Variants in UGT2B7 observed in about 807,000 individuals in gnomAD.
UGT2B7 encodes UDP-glucuronosyltransferase 2B7.
UGT2B7 carries 51 observed loss-of-function variants against 51.9 expected under a neutral mutation model. The ratio of observed to expected loss-of-function variants is 0.98; its 90% CI spans 0.78 to 1.24. UGT2B7 has a LOEUF of 1.24. Ranked by LOEUF, UGT2B7 falls within the 50% of genes most tolerant of loss-of-function variation. UGT2B7 has a pLI of 0.00. For synonymous variants in UGT2B7, 225 were observed against 211.6 expected (o/e 1.06, Z -0.55); for missense variants, 727 against 628.4 (o/e 1.16, Z -1.68).
intron 1 of UGT2B7, among the ~76,000 whole-genome samples, chr4:69,075,247 G>T (rs1298453104): frequency 6.6e-6 from 1 of 152,140 alleles, no homozygotes; most frequent in Non-Finnish European, 1.5e-5. Context: ...CCCTTGAAAT[G>T]TGGCAAGGCT....
Position 69,112,743 on chromosome 4 carries a change from CT to C in UGT2B7, c.*8del. 3 of 1,612,376 alleles carry C rather than the reference CT, an allele frequency of 1.9e-6. No individual in the cohort carries two copies. In the South Asian group the frequency reaches 3.3e-5, roughly 18 times the overall value. On this transcript the variant is annotated 3_prime_UTR_variant, in exon 6 of 6. Coordinates refer to ENST00000305231, the MANE Select transcript of UGT2B7 (RefSeq NM_001074.4). ...GAAGGGAAAAAATGATTAGTTATAT[CT>C]GAGATTTGAAGCTGGAAAACCTGAT...
chr4:69,078,830 T>C (rs1267212389), intron 1 of UGT2B7, among the ~76,000 whole-genome samples: 3 of 152,104 alleles, frequency 2.0e-5, no homozygotes. Context: ...GCCATGCTGT[T>C]GGTGTGTTAC....
At position 69,108,200 on chromosome 4, in the gene UGT2B7, T is replaced by C. The variant is rs138934444; in HGVS notation, c.1188T>C (p.Phe396=). ...TCCCTATGGTGGGGATTCCATTGTT[T>C]GCCGATCAACCTGATAACATTGCTC... The part of the protein sequence containing the change: ...HGIPMVGIPL[F]ADQPDNIAHM... The change falls in exon 5 of 6, where the codon TTT becomes TTC. Residue 396 remains phenylalanine, a synonymous_variant. Transcript: ENST00000305231. 6.7e-5 allele frequency: 108 copies of C among 1,613,856 alleles called. No individual in the cohort carries two copies. In the African/African-American group the frequency reaches 1.3e-3, roughly 19 times the overall value.
upstream of UGT2B7, chr4:69,096,466 T>C (rs1560508175): frequency 1.2e-6 from 2 of 1,607,170 alleles, no homozygotes; most frequent in Non-Finnish European, 1.7e-6. Context: ...GACATAACCA[T>C]GAGAAATGAC....
At chr4:69,097,825 A>G (rs530388322) in intron 1 of UGT2B7, among the ~76,000 whole-genome samples, 209 of 152,174 alleles carry the variant, frequency 1.4e-3, no homozygotes, top group African/African-American at 4.7e-3. Flanking sequence ...TCATTAATTT[A>G]AAGTCCAATC....
chr4:69,092,802 A>G (rs2109880408), upstream of UGT2B7, among the ~76,000 whole-genome samples: 1 of 152,124 alleles, frequency 6.6e-6, no homozygotes, highest in South Asian at 2.1e-4. Context: ...GCTATCCTAC[A>G]TGCAAAACTC....
At chr4:69,064,066 A>AAGAAAG (rs1718422604) in intron 1 of UGT2B7, among the ~76,000 whole-genome samples, 1 of 109,024 alleles carries the variant, frequency 9.2e-6, no homozygotes, top group African/African-American at 5.1e-5. Context: ...GAAAGAAAGA[A>AAGAAAG]AGAAAGAAAG....
chr4:69,085,888 C>T (rs1163313801), intron 1 of UGT2B7, among the ~76,000 whole-genome samples: 1 of 151,658 alleles, frequency 6.6e-6, no homozygotes, highest in Non-Finnish European at 1.5e-5. Flanking sequence ...CTTTTCATCT[C>T]TCATTTTATT....
intron 3 of UGT2B7, among the ~76,000 whole-genome samples, chr4:69,104,370 G>C (rs1050478728): frequency 2.0e-5 from 3 of 152,038 alleles, no homozygotes; most frequent in Admixed American, 2.0e-4. Flanking sequence ...TATTGCTAAT[G>C]TATTTTACTT....
chr4:69,086,517 CTG>C, intron 1 of UGT2B7, among the ~76,000 whole-genome samples: 1 of 151,862 alleles, frequency 6.6e-6, no homozygotes, highest in Non-Finnish European at 1.5e-5. Context: ...CAGTTTAACT[CTG>C]AGGTTTTTTC....
intron 1 of UGT2B7, among the ~76,000 whole-genome samples, chr4:69,071,231 C>A (rs552683968): frequency 6.6e-6 from 1 of 152,064 alleles, no homozygotes; most frequent in Non-Finnish European, 1.5e-5. Flanking sequence ...TATGATCTCA[C>A]CTTTCTTGCC....
intron 2 of UGT2B7, 64 bp downstream of exon 2, chr4:69,098,752 G>A (rs1719328189): frequency 9.4e-6 from 15 of 1,591,082 alleles, no homozygotes; most frequent in Non-Finnish European, 1.2e-5. Context: ...TGATTCTATA[G>A]TCTTCTTTCA....
At chr4:69,094,791 T>A (rs1272387448), upstream of UGT2B7, among the ~76,000 whole-genome samples, 1 of 152,228 alleles carries the variant, frequency 6.6e-6, no homozygotes, top group African/African-American at 2.4e-5. Context: ...ATTTTACCCA[T>A]AGAAGATCTT....
chr4:69,061,106 A>G (rs1718335711), intron 1 of UGT2B7, among the ~76,000 whole-genome samples: 1 of 152,182 alleles, frequency 6.6e-6, no homozygotes, highest in Non-Finnish European at 1.5e-5. Context: ...GTAGAGGCAC[A>G]GTCTTTGTCT....
intron 3 of UGT2B7, among the ~76,000 whole-genome samples, chr4:69,106,043 G>T (rs1719586839): frequency 6.6e-6 from 1 of 151,968 alleles, no homozygotes; most frequent in African/African-American, 2.4e-5. Context: ...ATAAGGAATA[G>T]CTAAAATTTT....
chr4:69,064,097 A>G (rs1321135258), intron 1 of UGT2B7, among the ~76,000 whole-genome samples: 2 of 69,594 alleles, frequency 2.9e-5, no homozygotes, highest in African/African-American at 1.8e-4. Flanking sequence ...AGAAAGAAAG[A>G]GAAAGAAAGA....
intron 1 of UGT2B7, among the ~76,000 whole-genome samples, chr4:69,055,402 T>C (rs1010114745): frequency 5.4e-5 from 8 of 149,488 alleles, no homozygotes; most frequent in Non-Finnish European, 1.0e-4. Context: ...TGCAACCTTT[T>C]AAAATTGATA....
intron 5 of UGT2B7, among the ~76,000 whole-genome samples, chr4:69,108,997 A>G (rs1443647631): frequency 6.6e-6 from 1 of 151,590 alleles, no homozygotes; most frequent in African/African-American, 2.4e-5. Context: ...CATACAGTTT[A>G]GGGTGTTGTG....
chr4:69,081,086 A>G (rs541753599), intron 1 of UGT2B7, among the ~76,000 whole-genome samples: 2 of 152,330 alleles, frequency 1.3e-5, no homozygotes, highest in African/African-American at 4.8e-5. Flanking sequence ...AAATATTATT[A>G]CTAAATTAAT....
Sources: allele counts gnomAD v4.1 joint callset (sites outside exome capture counted in the v4.1 genomes callset), GRCh38; gene constraint gnomAD v4.1.1; transcripts MANE v1.5; gene names NCBI Gene and HGNC (gene_info 2026-07-23, HGNC 2026-07-21).